SOX5: variants seen among roughly 807,000 people sequenced by gnomAD.
SOX5 encodes SRY-box transcription factor 5, also known as transcription factor SOX-5.
A neutral mutation model predicts 92.0 loss-of-function variants in SOX5; 9 were observed. The observed-to-expected ratio is 0.10, with a 90% CI of 0.06 to 0.17. The LOEUF is 0.17. Ranked by LOEUF, SOX5 falls within the 10% of genes least tolerant of loss-of-function variation. The pLI is 1.00. For synonymous variants in SOX5, 344 were observed against 336.3 expected (o/e 1.02, Z -0.25); for missense variants, 642 against 944.5 (o/e 0.68, Z 4.20).
chr12:23,624,245 G>A (rs2077502934), intron 8 of SOX5, among the ~76,000 whole-genome samples: 1 of 152,216 alleles, frequency 6.6e-6, no homozygotes, highest in Non-Finnish European at 1.5e-5. Flanking sequence ...ATGATGAAAC[G>A]TTCTGGAGAC....
In SOX5 at chr12:23,536,337, T is replaced by C. The variant is rs144944051; in HGVS notation, c.1988+116A>G. 180 of 792,814 alleles carry C rather than the reference T, an allele frequency of 2.3e-4. No homozygotes were observed. In the African/African-American group the frequency reaches 2.5e-3, roughly 11 times the overall value. 49.1% of individuals were successfully genotyped at this position (792,814 alleles called of 1,614,324 possible). A position where few individuals can be genotyped will look rare whatever the true frequency, so the allele number is the denominator to read the frequency against. On this transcript the variant is annotated intron_variant, in intron 14 of 14. Transcript: ENST00000451604. ...GGAGACTATTTGTCTCTGAAAATAC[T>C]GTGAGCTCAGATTCTTTTTCAAAAT...
intron 3 of SOX5, among the ~76,000 whole-genome samples, chr12:24,257,792 C>T (rs985956345): frequency 1.3e-5 from 2 of 151,958 alleles, no homozygotes; most frequent in Non-Finnish European, 2.9e-5. Flanking sequence ...ATTTAAACCT[C>T]TTTCCAGCCT....
At chr12:24,126,617 A>G (rs534027422) in intron 4 of SOX5, among the ~76,000 whole-genome samples, 1 of 152,342 alleles carries the variant, frequency 6.6e-6, no homozygotes, top group South Asian at 2.1e-4. Context: ...ATGATGAAAT[A>G]AGCCACAGAA....
intron 2 of SOX5, among the ~76,000 whole-genome samples, chr12:24,295,755 A>T (rs1388020551): frequency 6.6e-6 from 1 of 151,876 alleles, no homozygotes; most frequent in East Asian, 1.9e-4. Context: ...TTTTGTAGAG[A>T]TGAGATTTTA....
At chr12:23,947,455 A>G (rs1944773046) in intron 1 of SOX5, among the ~76,000 whole-genome samples, 1 of 151,952 alleles carries the variant, frequency 6.6e-6, no homozygotes, top group Non-Finnish European at 1.5e-5. Flanking sequence ...TGTATCATGC[A>G]TGGGTGCCTA....
intron 8 of SOX5, among the ~76,000 whole-genome samples, chr12:23,640,272 G>T (rs989826894): frequency 1.3e-5 from 2 of 152,126 alleles, no homozygotes; most frequent in Non-Finnish European, 2.9e-5. Flanking sequence ...ATTTCGCACG[G>T]CTAGAAAAGT....
chr12:24,550,685 A>T (rs1303298286), intron 1 of SOX5, among the ~76,000 whole-genome samples: 1 of 152,224 alleles, frequency 6.6e-6, no homozygotes, highest in Non-Finnish European at 1.5e-5. Context: ...TTTTCCTCCA[A>T]GGATAGGTAA....
chr12:23,845,443 G>C (rs796275252), intron 3 of SOX5, among the ~76,000 whole-genome samples: 1 of 152,122 alleles, frequency 6.6e-6, no homozygotes, highest in African/African-American at 2.4e-5. Context: ...AAGAGATTTA[G>C]AGGATAAAAT....
intron 4 of SOX5, among the ~76,000 whole-genome samples, chr12:24,104,448 CATT>C (rs1295624449): frequency 6.6e-6 from 1 of 152,102 alleles, no homozygotes; most frequent in African/African-American, 2.4e-5. Context: ...ATCAATCTGA[CATT>C]ATACAGATTC....
intron 10 of SOX5, among the ~76,000 whole-genome samples, chr12:23,572,200 T>G (rs1294507843): frequency 6.6e-6 from 1 of 152,176 alleles, no homozygotes; most frequent in Non-Finnish European, 1.5e-5. Context: ...AAGAGCCCCA[T>G]GTGATTAACG....
At chr12:24,326,213 C>T (rs1025263289) in intron 2 of SOX5, among the ~76,000 whole-genome samples, 1 of 152,112 alleles carries the variant, frequency 6.6e-6, no homozygotes, top group African/African-American at 2.4e-5. Context: ...AAGAAAAATC[C>T]TCCATCATAT....
intron 6 of SOX5, among the ~76,000 whole-genome samples, chr12:23,728,907 C>T (rs12312916): frequency 0.016 from 2,504 of 152,122 alleles, 63 homozygotes; most frequent in African/African-American, 0.057. Flanking sequence ...TTTTAGTTTA[C>T]AAATGTCAAA....
intron 6 of SOX5, among the ~76,000 whole-genome samples, chr12:23,729,331 A>G (rs2093299985): frequency 6.6e-6 from 1 of 152,194 alleles, no homozygotes; most frequent in Admixed American, 6.5e-5. Flanking sequence ...GTTCAGGTTC[A>G]TCTTATTCCA....
intron 1 of SOX5, among the ~76,000 whole-genome samples, chr12:24,534,596 G>A (rs1232402591): frequency 2.0e-5 from 3 of 152,168 alleles, no homozygotes; most frequent in African/African-American, 7.2e-5. Flanking sequence ...CTTGAAAAGA[G>A]AAAGCATAAC....
chr12:23,760,450 C>T (rs2094531280), intron 3 of SOX5, among the ~76,000 whole-genome samples: 1 of 152,084 alleles, frequency 6.6e-6, no homozygotes, highest in South Asian at 2.1e-4. Context: ...CCTTCATCAT[C>T]AACACACTAA....
chr12:23,838,843 T>G (rs79599779), intron 3 of SOX5, among the ~76,000 whole-genome samples: 84 of 38,152 alleles, frequency 2.2e-3, no homozygotes, highest in African/African-American at 6.3e-3. Flanking sequence ...TCTTTTTTTT[T>G]GGGGGGGGGG....
chr12:24,142,121 T>A (rs540471355), intron 4 of SOX5, among the ~76,000 whole-genome samples: 45 of 152,144 alleles, frequency 3.0e-4, no homozygotes, highest in Non-Finnish European at 4.4e-4. Context: ...TAAAAGGAAC[T>A]ACCACCATCA....
At chr12:23,922,077 G>T (rs1478021987) in intron 1 of SOX5, among the ~76,000 whole-genome samples, 2 of 152,118 alleles carry the variant, frequency 1.3e-5, no homozygotes, top group Non-Finnish European at 2.9e-5. Flanking sequence ...CCCCCCCTGG[G>T]CTCCCACTTT....
chr12:24,389,368 T>TG (rs1242801494), intron 1 of SOX5, among the ~76,000 whole-genome samples: 42 of 152,218 alleles, frequency 2.8e-4, no homozygotes, highest in African/African-American at 1.0e-3. Flanking sequence ...GTTGGACATT[T>TG]GGGTTGGTTC....
Sources: gnomAD v4.1 joint callset for allele counts (sites outside exome capture counted in the v4.1 genomes callset) on GRCh38, gnomAD v4.1.1 for gene constraint, MANE v1.5 for transcripts, NCBI Gene and HGNC (gene_info 2026-07-23, HGNC 2026-07-21) for gene names.